Variants in BBS9 observed in about 807,000 individuals in gnomAD.
The protein encoded by BBS9 is protein PTHB1.
BBS9 carries 89 observed loss-of-function variants against 117.7 expected under a neutral mutation model. The observed-to-expected ratio is 0.76, with a 90% confidence interval of 0.64 to 0.90. The LOEUF is 0.90. Ranked by LOEUF, BBS9 falls within the 40% of genes least tolerant of loss-of-function variation. The pLI, the probability that BBS9 is intolerant of heterozygous loss-of-function variation, is 0.00. For missense variants in BBS9, 982 were observed against 1,042.2 expected (o/e 0.94, Z 0.80); for synonymous variants, 379 against 370.9 (o/e 1.02, Z -0.25).
intron 5 of BBS9, among the ~76,000 whole-genome samples, chr7:33,193,908 T>C (rs191305977): frequency 2.0e-5 from 3 of 152,320 alleles, no homozygotes; most frequent in Admixed American, 2.0e-4. Flanking sequence ...TGTATTTCAT[T>C]AGAAGCTGTT....
intron 9 of BBS9, among the ~76,000 whole-genome samples, chr7:33,321,146 GTTTAA>G (rs1190798861): frequency 6.6e-6 from 1 of 152,068 alleles, no homozygotes; most frequent in African/African-American, 2.4e-5. Context: ...TAGCTCTGTA[GTTTAA>G]TTTGAAGTCG....
intron 19 of BBS9, among the ~76,000 whole-genome samples, chr7:33,492,805 GGAGT>G (rs1028233426): frequency 1.8e-5 from 2 of 110,830 alleles, no homozygotes; most frequent in East Asian, 5.2e-4. Flanking sequence ...ATCTAGTATA[GGAGT>G]GAGTGTGTGT....
intron 4 of BBS9, among the ~76,000 whole-genome samples, chr7:33,165,749 G>T (rs1007716635): frequency 2.0e-5 from 3 of 151,906 alleles, no homozygotes; most frequent in African/African-American, 4.8e-5. Context: ...CTTTTTTCAA[G>T]GTTTTTAGCT....
intron 19 of BBS9, among the ~76,000 whole-genome samples, chr7:33,492,987 CTTCTTCT>C (rs1457331077): frequency 1.2e-4 from 18 of 150,906 alleles, no homozygotes; most frequent in South Asian, 6.4e-4. Context: ...TCTTAGTCTT[CTTCTTCT>C]TTCTTCTTTC....
chr7:33,496,374 G>A (rs1844716079), intron 19 of BBS9, among the ~76,000 whole-genome samples: 1 of 151,982 alleles, frequency 6.6e-6, no homozygotes, highest in Non-Finnish European at 1.5e-5. Context: ...GCGTGGTGGT[G>A]GGCACCTGTA....
At chr7:33,353,607 T>C (rs936785806) in intron 15 of BBS9, among the ~76,000 whole-genome samples, 2 of 150,838 alleles carry the variant, frequency 1.3e-5, no homozygotes. Context: ...TTTTCCCTCT[T>C]AGATATAGAC....
intron 5 of BBS9, among the ~76,000 whole-genome samples, chr7:33,212,780 GC>G (rs1788266512): frequency 6.6e-6 from 1 of 152,184 alleles, no homozygotes; most frequent in Non-Finnish European, 1.5e-5. Context: ...GGCCTTGGTA[GC>G]CTTCGATAAT....
At chr7:33,619,893 A>G (rs2129221766) in intron 21 of BBS9, among the ~76,000 whole-genome samples, 1 of 152,278 alleles carries the variant, frequency 6.6e-6, no homozygotes, top group East Asian at 1.9e-4. Flanking sequence ...GCCTACATCA[A>G]AAAATATGAA....
chr7:33,231,606 A>G (rs1026331412), intron 5 of BBS9, among the ~76,000 whole-genome samples: 5 of 151,518 alleles, frequency 3.3e-5, no homozygotes, highest in Non-Finnish European at 7.4e-5. Flanking sequence ...TTTTTTTCCT[A>G]TTTCTGTGAA....
intron 15 of BBS9, among the ~76,000 whole-genome samples, chr7:33,354,776 G>A (rs1819329039): frequency 6.6e-6 from 1 of 151,970 alleles, no homozygotes; most frequent in South Asian, 2.1e-4. Context: ...GAAGTAAAAT[G>A]TTCTGTTAGA....
rs1177759447 is a variant in BBS9, at chr7:33,344,637, A to G, written c.1329+3A>G. ...TTGTCCCTTCTGTCACGGTGAAGGT[A>G]TTGTACCAGATTTTAGACTGTAATG... is the stretch of plus-strand genomic sequence containing the variant. On this transcript the variant is annotated splice_donor_region_variant and intron_variant, in intron 12 of 22. Coordinates refer to ENST00000242067, the MANE Select transcript of BBS9 (RefSeq NM_198428.3). 1 of 1,613,356 alleles carries G rather than the reference A, an allele frequency of 6.2e-7. No individual in the cohort carries two copies. Among genetic ancestry groups the G allele is most frequent in the Non-Finnish European group, 8.5e-7 (1 of 1,179,488 alleles).
intron 21 of BBS9, among the ~76,000 whole-genome samples, chr7:33,569,713 G>A (rs560656524): frequency 2.0e-5 from 3 of 152,240 alleles, no homozygotes; most frequent in African/African-American, 7.2e-5. Flanking sequence ...AATGAGCCGA[G>A]ATCGCGCCAC....
chr7:33,261,910 A>G (rs1417394446), intron 6 of BBS9, among the ~76,000 whole-genome samples: 1 of 152,234 alleles, frequency 6.6e-6, no homozygotes, highest in African/African-American at 2.4e-5. Flanking sequence ...CAATCTCGAC[A>G]AGGGAACTTT....
intron 13 of BBS9, among the ~76,000 whole-genome samples, chr7:33,350,461 A>G (rs1377749371): frequency 6.6e-6 from 1 of 152,162 alleles, no homozygotes; most frequent in Non-Finnish European, 1.5e-5. Flanking sequence ...TCTCTAATAC[A>G]GGTTGGGGGC....
chr7:33,158,847 CTTGAGCCAGA>C (rs1374194021), intron 4 of BBS9, among the ~76,000 whole-genome samples: 8 of 151,470 alleles, frequency 5.3e-5, no homozygotes, highest in Admixed American at 2.0e-4. Context: ...TGGGCAGTCT[CTTGAGCCAGA>C]GTAGGCTGAG....
intron 9 of BBS9, among the ~76,000 whole-genome samples, chr7:33,330,099 C>T (rs1480792903): frequency 1.2e-4 from 18 of 151,872 alleles, no homozygotes; most frequent in African/African-American, 3.1e-4. Flanking sequence ...CTGCAACCTC[C>T]GCCTCTCCAG....
chr7:33,484,014 T>C (rs1842800629), intron 19 of BBS9, among the ~76,000 whole-genome samples: 1 of 152,206 alleles, frequency 6.6e-6, no homozygotes, highest in South Asian at 2.1e-4. Context: ...GGGAATATAG[T>C]AAATGCTAAA....
Position 33,605,306 on chromosome 7 carries a change from A to G in BBS9, c.*80A>G. 6.9e-7 allele frequency: 1 copy of G among 1,441,964 alleles called. No homozygotes were observed. 89.3% of individuals were successfully genotyped at this position (1,441,964 alleles called of 1,614,324 possible). On this transcript the variant is annotated 3_prime_UTR_variant, in exon 23 of 23. Transcript: ENST00000242067. Reference sequence around the variant, plus strand: ...TGTGAACCTCATGCCAAGCACAGATATAGGGCTGGCGCAGGTGCTTCCTAA... The same window carrying G: ...TGTGAACCTCATGCCAAGCACAGATGTAGGGCTGGCGCAGGTGCTTCCTAA...
intron 20 of BBS9, 85 bp downstream of exon 20, chr7:33,505,730 T>A: frequency 7.1e-7 from 1 of 1,399,390 alleles, no homozygotes. Flanking sequence ...TATCAGGTTT[T>A]CTAAGGTATC....
Sources: gnomAD v4.1 joint callset for allele counts (sites outside exome capture counted in the v4.1 genomes callset) on GRCh38, gnomAD v4.1.1 for gene constraint, MANE v1.5 for transcripts, NCBI Gene and HGNC (gene_info 2026-07-23, HGNC 2026-07-21) for gene names.